Variants in SLC39A11 observed in about 807,000 individuals in gnomAD.
The protein encoded by SLC39A11 is zinc transporter ZIP11.
In SLC39A11, 33 loss-of-function variants were observed where a neutral mutation model predicts 36.1. The observed-to-expected ratio is 0.91, with a 90% CI of 0.69 to 1.22. SLC39A11 has a LOEUF of 1.22. SLC39A11 is among the 50% of genes most tolerant of loss of function. SLC39A11 has a pLI of 0.00. For missense variants in SLC39A11, 432 were observed against 430.3 expected (o/e 1.00, Z -0.03); for synonymous variants, 166 against 170.3 (o/e 0.97, Z 0.20).
At chr17:72,651,683 T>C (rs992324950) in intron 7 of SLC39A11, among the ~76,000 whole-genome samples, 1 of 152,136 alleles carries the variant, frequency 6.6e-6, no homozygotes, top group Non-Finnish European at 1.5e-5. Flanking sequence ...ACAAAGCAGC[T>C]TCCCCAGGGG....
intron 4 of SLC39A11, among the ~76,000 whole-genome samples, chr17:73,026,188 AGAGAAGAGAAGG>A (rs2058537459): frequency 5.8e-4 from 1 of 1,722 alleles, no homozygotes; most frequent in South Asian, 0.029. Context: ...GAAAGAGAAG[AGAGAAGAGAAGG>A]GAAGAGAAGA....
chr17:72,943,795 G>A (rs2085261950), intron 5 of SLC39A11, among the ~76,000 whole-genome samples: 1 of 152,196 alleles, frequency 6.6e-6, no homozygotes, highest in African/African-American at 2.4e-5. Context: ...CTAGTGAAGA[G>A]TATCTATAAC....
At chr17:73,069,805 A>G (rs7222812) in intron 3 of SLC39A11, among the ~76,000 whole-genome samples, 22,594 of 152,274 alleles carry the variant, frequency 0.15, 1,808 homozygotes, top group Non-Finnish European at 0.16. Flanking sequence ...ACTAAGATGC[A>G]TAAGAAAAAT....
intron 2 of SLC39A11, among the ~76,000 whole-genome samples, chr17:73,085,892 C>T (rs1353044237): frequency 1.3e-5 from 2 of 152,188 alleles, no homozygotes; most frequent in African/African-American, 4.8e-5. Flanking sequence ...AGGATACACT[C>T]ATACAACAGG....
intron 7 of SLC39A11, among the ~76,000 whole-genome samples, chr17:72,673,500 G>A (rs114824892): frequency 0.019 from 2,839 of 151,732 alleles, 86 homozygotes; most frequent in African/African-American, 0.063. Flanking sequence ...CACATCAGGT[G>A]GTAATAGAAT....
intron 6 of SLC39A11, among the ~76,000 whole-genome samples, chr17:72,809,201 C>CTCTT (rs1555678924): frequency 1.9e-5 from 2 of 102,706 alleles, no homozygotes; most frequent in African/African-American, 1.2e-4. Context: ...TCTTTTCTTT[C>CTCTT]TCTCTCTCTC....
intron 7 of SLC39A11, among the ~76,000 whole-genome samples, chr17:72,667,945 C>T (rs540404992): frequency 2.0e-5 from 3 of 152,340 alleles, no homozygotes; most frequent in Admixed American, 2.0e-4. Context: ...TTCAGGTCTG[C>T]TGACTCCAGA....
chr17:72,735,557 CTGAGT>C (rs1025566291), intron 7 of SLC39A11, among the ~76,000 whole-genome samples: 6 of 152,174 alleles, frequency 3.9e-5, no homozygotes, highest in African/African-American at 9.7e-5. Context: ...AGCCACTGCA[CTGAGT>C]TATGTTTTAA....
chr17:72,967,652 A>C (rs554512203), intron 4 of SLC39A11, among the ~76,000 whole-genome samples: 140 of 152,312 alleles, frequency 9.2e-4, no homozygotes, highest in African/African-American at 3.3e-3. Context: ...TTTGCAAAAA[A>C]CACAAACCCA....
chr17:73,039,908 C>T (rs2059053640), intron 3 of SLC39A11, among the ~76,000 whole-genome samples: 1 of 152,182 alleles, frequency 6.6e-6, no homozygotes. Context: ...CCCAAGTTGA[C>T]TGTGCTACCC....
Position 72,729,422 on chromosome 17 carries a change from TATATATATATATATATATATATATA to T in SLC39A11, c.671+7203_671+7227del, listed in dbSNP as rs1567994376. 1.0e-2 allele frequency among the ~76,000 whole-genome samples: 26 copies of T among 2,602 alleles called. 2 individuals are homozygous for T. Among genetic ancestry groups the T allele is most frequent in the Non-Finnish European group, 0.014 (21 of 1,474 alleles). The allele number at this position is 2,602 out of a possible 152,430, so 1.7% of individuals were successfully genotyped here. The stretch of plus-strand genomic sequence containing the variant: ...CTGGCTATTTATATATATATATATA[TATATATATATATATATATATATATA>T]TATATATATATTTTTTTTTTTTTTT... On this transcript the variant is annotated intron_variant, in intron 7 of 9. Coordinates refer to ENST00000255559, the MANE Select transcript of SLC39A11 (RefSeq NM_139177.4).
intron 4 of SLC39A11, among the ~76,000 whole-genome samples, chr17:73,009,544 T>TGTTTGCCA (rs1365430758): frequency 6.6e-6 from 1 of 151,780 alleles, no homozygotes; most frequent in Non-Finnish European, 1.5e-5. Flanking sequence ...TGCCAGGCGG[T>TGTTTGCCA]GGAGAGTAAG....
At chr17:72,826,184 T>C (rs563998950) in intron 6 of SLC39A11, among the ~76,000 whole-genome samples, 3 of 152,312 alleles carry the variant, frequency 2.0e-5, no homozygotes, top group South Asian at 2.1e-4. Context: ...GCTGTTATCA[T>C]GATAGTGAAT....
intron 3 of SLC39A11, among the ~76,000 whole-genome samples, chr17:73,081,801 A>G (rs1229022042): frequency 1.3e-5 from 2 of 149,816 alleles, no homozygotes; most frequent in Admixed American, 6.7e-5. Flanking sequence ...CTCACCCATA[A>G]AAAGGAATGA....
intron 7 of SLC39A11, among the ~76,000 whole-genome samples, chr17:72,663,560 T>C (rs1170993484): frequency 1.3e-5 from 2 of 152,146 alleles, no homozygotes; most frequent in African/African-American, 2.4e-5. Context: ...AGCCTAGTTA[T>C]ATGTGATTTT....
At chr17:72,975,127 T>C (rs2087750441) in intron 4 of SLC39A11, among the ~76,000 whole-genome samples, 1 of 152,098 alleles carries the variant, frequency 6.6e-6, no homozygotes, top group Non-Finnish European at 1.5e-5. Flanking sequence ...GATGATTAGG[T>C]CCAGGGTTAG....
At chr17:72,773,679 C>CACACACACACACACACA (rs57105900) in intron 6 of SLC39A11, among the ~76,000 whole-genome samples, 1,834 of 145,790 alleles carry the variant, frequency 0.013, 69 homozygotes, top group African/African-American at 0.044. Context: ...ACACACACAC[C>CACACACACACACACACA]CAGTATATAA....
chr17:73,022,899 T>G lies in SLC39A11; in HGVS notation c.306+8657A>C. On this transcript the variant is annotated intron_variant, in intron 4 of 9. Coordinates refer to ENST00000255559, the MANE Select transcript of SLC39A11 (RefSeq NM_139177.4). ...GTCAAGAGCAACCCCACCCTGTGAATTAAAATATCCTGTTTCACAAAGAAA... is the reference window on the plus strand; with the variant it reads ...GTCAAGAGCAACCCCACCCTGTGAAGTAAAATATCCTGTTTCACAAAGAAA... 1.3e-5 allele frequency among the ~76,000 whole-genome samples: 2 copies of G among 152,050 alleles called. 1 individual carries two copies. The highest frequency in any genetic ancestry group is 3.9e-4 in the East Asian group (2 of 5,182).
At chr17:72,936,089 A>G (rs2084733644) in intron 5 of SLC39A11, among the ~76,000 whole-genome samples, 1 of 152,086 alleles carries the variant, frequency 6.6e-6, no homozygotes, top group South Asian at 2.1e-4. Context: ...TCCCAGCTAC[A>G]TAGGAAACTG....
Sources: allele counts gnomAD v4.1 joint callset (sites outside exome capture counted in the v4.1 genomes callset), GRCh38; gene constraint gnomAD v4.1.1; transcripts MANE v1.5; gene names NCBI Gene and HGNC (gene_info 2026-07-23, HGNC 2026-07-21).